Variants in REEP3 observed in about 807,000 individuals in gnomAD.
The protein encoded by REEP3 is receptor expression-enhancing protein 3.
Under a neutral mutation model 41.3 loss-of-function variants are expected in REEP3, and 20 were observed. The ratio of observed to expected loss-of-function variants is 0.48; its 90% CI spans 0.34 to 0.70. REEP3 has a LOEUF of 0.70. Ranked by LOEUF, REEP3 falls within the 30% of genes least tolerant of loss-of-function variation. The pLI, the probability that REEP3 is intolerant of heterozygous loss-of-function variation, is 0.01. For synonymous variants in REEP3, 104 were observed against 101.8 expected, an observed-to-expected ratio of 1.02 and a Z score of -0.13; for missense variants, 271 against 308.8, an observed-to-expected ratio of 0.88 and a Z score of 0.92.
At chr10:63,523,621 G>C (rs1339135250) in intron 1 of REEP3, among the ~76,000 whole-genome samples, 1 of 152,152 alleles carries the variant, frequency 6.6e-6, no homozygotes, top group East Asian at 1.9e-4. Flanking sequence ...GGGCCACAGA[G>C]TGAGACTGTG....
intron 1 of REEP3, among the ~76,000 whole-genome samples, chr10:63,557,618 G>C (rs573239012): frequency 1.8e-4 from 28 of 152,182 alleles, no homozygotes; most frequent in Admixed American, 1.6e-3. Context: ...TCTTTTCTTG[G>C]TTTGCCTGGC....
At chr10:63,557,406 A>C (rs1955699248) in intron 1 of REEP3, among the ~76,000 whole-genome samples, 1 of 152,222 alleles carries the variant, frequency 6.6e-6, no homozygotes, top group Non-Finnish European at 1.5e-5. Flanking sequence ...TGTTATATGT[A>C]TAACTTATCT....
chr10:63,579,136 G>T (rs1955926630), intron 2 of REEP3, among the ~76,000 whole-genome samples: 1 of 151,502 alleles, frequency 6.6e-6, no homozygotes, highest in Non-Finnish European at 1.5e-5. Context: ...GGTTCAAGCA[G>T]TTCTCCTGCC....
intron 5 of REEP3, among the ~76,000 whole-genome samples, chr10:63,604,765 G>A (rs754738723): frequency 1.3e-5 from 2 of 152,186 alleles, no homozygotes; most frequent in African/African-American, 2.4e-5. Context: ...CAGCAATTGA[G>A]TTAATCTGGA....
At position 63,521,503 on chromosome 10, in the gene REEP3, T is replaced by G. The variant is rs1955239775; in HGVS notation, c.-43T>G. The G allele has an allele frequency of 1.5e-6, 2 of 1,369,044 alleles. No individual in the cohort carries two copies. Among genetic ancestry groups the G allele is most frequent in the East Asian group, 6.5e-5 (2 of 30,650 alleles). 84.8% of individuals were successfully genotyped at this position (1,369,044 alleles called of 1,614,324 possible). ...GTTGGCGGCCTGGTCCGCAGCGCCC[T>G]GCGCCCACCCGCCCCGGACGTGGGG... is the stretch of plus-strand genomic sequence containing the variant. On this transcript the variant is annotated 5_prime_UTR_variant, in exon 1 of 8. Transcript: ENST00000373758.
At chr10:63,596,571 C>T (rs900630061) in intron 3 of REEP3, among the ~76,000 whole-genome samples, 3 of 152,092 alleles carry the variant, frequency 2.0e-5, no homozygotes, top group Admixed American at 6.6e-5. Context: ...ATCATTTATC[C>T]TAGTGATAAA....
intron 2 of REEP3, among the ~76,000 whole-genome samples, chr10:63,579,059 G>GTC (rs1291273192): frequency 1.1e-4 from 16 of 149,046 alleles, no homozygotes; most frequent in African/African-American, 3.7e-4. Flanking sequence ...GGGAGATGGA[G>GTC]TCTCTCTCTG....
chr10:63,624,788 T>C lies in REEP3; in HGVS notation c.*3919T>C, dbSNP rs1042982440. 2 of 152,084 alleles carry C rather than the reference T, an allele frequency of 1.3e-5. No individual in the cohort carries two copies. The highest frequency in any genetic ancestry group is 6.5e-5 in the Admixed American group (1 of 15,272). 9.4% of individuals were successfully genotyped at this position (152,084 alleles called of 1,614,324 possible). On this transcript the variant is annotated 3_prime_UTR_variant, in exon 8 of 8. Coordinates refer to ENST00000373758, the MANE Select transcript of REEP3 (RefSeq NM_001001330.3). ...AAATTTGGATGTTAGAAAGGAAAGA[T>C]AGGAAAAACAATGAGTACAGAAATC...
intron 1 of REEP3, among the ~76,000 whole-genome samples, chr10:63,548,184 G>A (rs1418213131): frequency 6.6e-6 from 1 of 152,190 alleles, no homozygotes; most frequent in Non-Finnish European, 1.5e-5. Flanking sequence ...GCACTCTCCT[G>A]AGATGACCCT....
At chr10:63,609,759 C>CTAAA (rs901116031) in intron 5 of REEP3, among the ~76,000 whole-genome samples, 11 of 151,786 alleles carry the variant, frequency 7.2e-5, no homozygotes, top group East Asian at 5.8e-4. Flanking sequence ...GACTCTGTCT[C>CTAAA]TAAATAAATA....
chr10:63,551,416 A>C (rs759996046), intron 1 of REEP3, among the ~76,000 whole-genome samples: 22 of 152,220 alleles, frequency 1.4e-4, no homozygotes, highest in South Asian at 4.1e-4. Context: ...CATATAATTT[A>C]TGTAGATACT....
chr10:63,579,049 G>GT (rs1279969351), intron 2 of REEP3, among the ~76,000 whole-genome samples: 7 of 148,360 alleles, frequency 4.7e-5, no homozygotes, highest in East Asian at 2.0e-4. Flanking sequence ...TTTGGGGGGG[G>GT]GGAGATGGAG....
chr10:63,594,936 C>T (rs1294450138), intron 3 of REEP3, 82 bp downstream of exon 3: 1 of 880,674 alleles, frequency 1.1e-6, no homozygotes, highest in African/African-American at 1.7e-5. Flanking sequence ...TTGCTATTAA[C>T]TGAGTGATTT....
At chr10:63,555,141 G>A (rs1279426194) in intron 1 of REEP3, among the ~76,000 whole-genome samples, 2 of 152,092 alleles carry the variant, frequency 1.3e-5, no homozygotes, top group African/African-American at 4.8e-5. Flanking sequence ...CTTTTGATGA[G>A]TATTATGAAA....
chr10:63,566,414 A>C lies in REEP3; in HGVS notation c.105+4A>C, dbSNP rs1955799871. The C allele has an allele frequency of 2.1e-6, 3 of 1,456,208 alleles. No homozygotes were observed. Among genetic ancestry groups the C allele is most frequent in the Non-Finnish European group, 2.8e-6 (3 of 1,060,706 alleles). The allele number at this position is 1,456,208 out of a possible 1,614,324, so 90.2% of individuals were successfully genotyped here. ...AACAAAAAACGTGAAGGAATATGTA[A>C]GTATAGTTTTATGAGTGATTAATCT... On this transcript the variant is annotated splice_donor_region_variant and intron_variant, in intron 2 of 7. Coordinates refer to ENST00000373758, the MANE Select transcript of REEP3 (RefSeq NM_001001330.3).
intron 1 of REEP3, among the ~76,000 whole-genome samples, chr10:63,529,120 G>C (rs139509838): frequency 6.6e-6 from 1 of 152,318 alleles, no homozygotes; most frequent in Non-Finnish European, 1.5e-5. Context: ...TTTGGGGACT[G>C]CCTTTTTTTC....
At chr10:63,528,975 G>A (rs1049306606) in intron 1 of REEP3, among the ~76,000 whole-genome samples, 4 of 152,224 alleles carry the variant, frequency 2.6e-5, no homozygotes, top group African/African-American at 9.6e-5. Context: ...GTCTCCATGA[G>A]AGAAGTCTTT....
At chr10:63,594,068 A>T (rs894510919) in intron 2 of REEP3, among the ~76,000 whole-genome samples, 1 of 152,096 alleles carries the variant, frequency 6.6e-6, no homozygotes, top group African/African-American at 2.4e-5. Flanking sequence ...CTTATACTAT[A>T]TTATTTATGT....
At chr10:63,569,117 A>G (rs184425606) in intron 2 of REEP3, among the ~76,000 whole-genome samples, 104 of 152,322 alleles carry the variant, frequency 6.8e-4, no homozygotes, top group Admixed American at 1.6e-3. Flanking sequence ...ACTCTGCCCT[A>G]CTGTGTAATA....
Sources: allele counts gnomAD v4.1 joint callset (sites outside exome capture counted in the v4.1 genomes callset), GRCh38; gene constraint gnomAD v4.1.1; transcripts MANE v1.5; gene names NCBI Gene and HGNC (gene_info 2026-07-23, HGNC 2026-07-21).